DOCK10: variants seen among roughly 807,000 people sequenced by gnomAD.
DOCK10 encodes dedicator of cytokinesis 10, also known as dedicator of cytokinesis protein 10.
In DOCK10, 145 loss-of-function variants were observed where a neutral mutation model predicts 280.1. The ratio of observed to expected loss-of-function variants is 0.52; its 90% confidence interval spans 0.45 to 0.59. The LOEUF (loss-of-function observed/expected upper bound fraction) is 0.59. DOCK10 is among the 20% of genes least tolerant of loss of function. The pLI, the probability that DOCK10 is intolerant of heterozygous loss-of-function variation, is 0.00. For synonymous variants in DOCK10, 915 were observed against 942.2 expected (o/e 0.97, Z 0.53); for missense variants, 2,368 against 2,651.7 (o/e 0.89, Z 2.35).
intron 1 of DOCK10, among the ~76,000 whole-genome samples, chr2:224,981,699 T>C (rs1205669949): frequency 1.3e-5 from 2 of 152,234 alleles, no homozygotes; most frequent in Non-Finnish European, 2.9e-5. Context: ...TAATTCTTTA[T>C]TCTAATATTG....
intron 26 of DOCK10, among the ~76,000 whole-genome samples, chr2:224,831,421 C>T (rs1695222588): frequency 1.3e-5 from 2 of 152,198 alleles, no homozygotes; most frequent in African/African-American, 4.8e-5. Flanking sequence ...GAATGCTGCC[C>T]CAGGGTGTGA....
At chr2:224,821,887 T>C (rs1222561848) in intron 28 of DOCK10, among the ~76,000 whole-genome samples, 1 of 152,064 alleles carries the variant, frequency 6.6e-6, no homozygotes, top group Non-Finnish European at 1.5e-5. Context: ...ATCATTCTTG[T>C]CTCTTTCTGG....
At chr2:224,959,090 C>T (rs1180471072) in intron 1 of DOCK10, among the ~76,000 whole-genome samples, 1 of 152,186 alleles carries the variant, frequency 6.6e-6, no homozygotes, top group Non-Finnish European at 1.5e-5. Flanking sequence ...TTTTCAGGAA[C>T]CAGTTCTGAA....
intron 27 of DOCK10, among the ~76,000 whole-genome samples, chr2:224,830,272 T>A (rs1443495897): frequency 6.6e-6 from 1 of 152,200 alleles, no homozygotes; most frequent in Non-Finnish European, 1.5e-5. Context: ...TATCAGACTT[T>A]CCCATTTCTT....
chr2:224,783,712 C>A lies in DOCK10; in HGVS notation c.5655+3310G>T, dbSNP rs1299194539. Among the ~76,000 whole-genome samples the A allele has an allele frequency of 2.0e-5, 3 of 150,204 alleles. No individual in the cohort carries two copies. The East Asian group carries it at 5.9e-4, about 29-fold the overall frequency. ...TGCAAGGGCTCCCCCCAATACTTCC[C>A]CACTGCCCCCCCTCAGTCTATTTAG... On this transcript the variant is annotated intron_variant, in intron 50 of 55. Coordinates refer to ENST00000258390, the MANE Select transcript of DOCK10 (RefSeq NM_014689.3).
At chr2:225,001,235 C>T (rs1364712770) in intron 1 of DOCK10, among the ~76,000 whole-genome samples, 1 of 150,776 alleles carries the variant, frequency 6.6e-6, no homozygotes, top group Non-Finnish European at 1.5e-5. Context: ...GGTAGGTGCT[C>T]GGGACTTTGG....
Position 224,920,538 on chromosome 2 carries a change from A to C in DOCK10, c.244-3754T>G, listed in dbSNP as rs114050809. On this transcript the variant is annotated intron_variant, in intron 2 of 55. Coordinates refer to ENST00000258390, the MANE Select transcript of DOCK10 (RefSeq NM_014689.3). ...AGCTTTGGGGATTACTGCTGAATTT[A>C]AATGATCTGGGATGCCTTTGTTTCC... Among the ~76,000 whole-genome samples the C allele has an allele frequency of 5.3e-3, 812 of 152,136 alleles. 5 individuals carry two copies. Among genetic ancestry groups the C allele is most frequent in the African/African-American group, 0.018 (760 of 41,520 alleles).
At chr2:224,845,096 A>G in intron 21 of DOCK10, 107 bp downstream of exon 21, 1 of 1,183,494 alleles carries the variant, frequency 8.4e-7, no homozygotes, top group Admixed American at 2.3e-5. Context: ...ATTCATAGCT[A>G]CAAGGGACAT....
intron 39 of DOCK10, 92 bp downstream of exon 39, chr2:224,803,994 AGAAATATGTGTGTGTGTGTGTGTGTG>A (rs1693195964): frequency 3.4e-6 from 2 of 586,232 alleles, no homozygotes; most frequent in Admixed American, 3.6e-5. Flanking sequence ...ATATATAAAT[AGAAATATGTGTGTGTGTGTGTGTGTG>A]TGTGTGTGTG....
rs945316443 is a variant in DOCK10 at position 224,765,268 on chromosome 2, T to A, written c.*453A>T. ...TATTTTAATATAATGGTATCTGAAA[T>A]GTTATTCATATATTTTTAGTACTGT... On this transcript the variant is annotated 3_prime_UTR_variant, in exon 56 of 56. Transcript: ENST00000258390. The A allele has an allele frequency of 2.0e-5, 3 of 153,114 alleles. No homozygotes were observed. The highest frequency in any genetic ancestry group is 7.2e-5 in the African/African-American group (3 of 41,478). 9.5% of individuals were successfully genotyped at this position (153,114 alleles called of 1,614,324 possible).
intron 48 of DOCK10, among the ~76,000 whole-genome samples, chr2:224,788,719 C>A (rs1429065374): frequency 6.6e-6 from 1 of 152,162 alleles, no homozygotes; most frequent in Non-Finnish European, 1.5e-5. Flanking sequence ...TTTACGTCCA[C>A]CTGCATTTGT....
chr2:224,826,052 A>C (rs939503238), intron 27 of DOCK10, among the ~76,000 whole-genome samples: 1 of 152,112 alleles, frequency 6.6e-6, no homozygotes, highest in African/African-American at 2.4e-5. Context: ...GTTCCCAGGA[A>C]ATTGTTTTAG....
intron 25 of DOCK10, among the ~76,000 whole-genome samples, chr2:224,837,147 G>C (rs1695643803): frequency 6.6e-6 from 1 of 152,128 alleles, no homozygotes; most frequent in African/African-American, 2.4e-5. Context: ...AACTATGAAA[G>C]TGCAAACATC....
At chr2:224,843,440 TTGAG>T (rs1696112542) in intron 22 of DOCK10, among the ~76,000 whole-genome samples, 1 of 151,984 alleles carries the variant, frequency 6.6e-6, no homozygotes, top group African/African-American at 2.4e-5. Flanking sequence ...TTGGTGGAGA[TTGAG>T]TGTTTTGTGG....
chr2:224,852,427 C>T lies in DOCK10; in HGVS notation c.2092G>A (p.Val698Met). 6.4e-7 allele frequency: 1 copy of T among 1,566,210 alleles called. No individual in the cohort carries two copies. Among genetic ancestry groups the T allele is most frequent in the Non-Finnish European group, 8.7e-7 (1 of 1,154,280 alleles). The change falls in exon 18 of 56, where the codon GTG becomes ATG. Residue 698 changes from valine (V) to methionine (M), a missense_variant. Around this residue, in one of 2 missense-constraint regions of DOCK10, gnomAD observed 1,209 missense variants for 1,250.9 expected, o/e 0.97. Coordinates refer to ENST00000258390, the MANE Select transcript of DOCK10 (RefSeq NM_014689.3). Reference sequence around the variant, plus strand: ...TCTGAATTTTTGAATTCAATGCACACAGTTATATTCCGTGCCTGAAATTAC... The same window carrying T: ...TCTGAATTTTTGAATTCAATGCACATAGTTATATTCCGTGCCTGAAATTAC... Reference protein sequence around the residue: ...KCFNKARNITVCIEFKNSDEE... With the variant: ...KCFNKARNITMCIEFKNSDEE...
At chr2:224,906,684 T>C (rs1349889699) in intron 3 of DOCK10, among the ~76,000 whole-genome samples, 1 of 152,232 alleles carries the variant, frequency 6.6e-6, no homozygotes, top group Non-Finnish European at 1.5e-5. Context: ...TTTCACCATA[T>C]TAGCCAGGAT....
At chr2:225,038,310 TG>T (rs1690321831) in intron 1 of DOCK10, among the ~76,000 whole-genome samples, 1 of 152,048 alleles carries the variant, frequency 6.6e-6, no homozygotes, top group Admixed American at 6.5e-5. Context: ...TCTCAACTCT[TG>T]AATGCCACCA....
chr2:224,958,412 A>C (rs1277595076), intron 1 of DOCK10, among the ~76,000 whole-genome samples: 1 of 152,214 alleles, frequency 6.6e-6, no homozygotes, highest in African/African-American at 2.4e-5. Flanking sequence ...TCAGAAAGGA[A>C]GGGAGTAGCC....
At chr2:224,767,548 G>GGAGC (rs1690142114) in intron 55 of DOCK10, among the ~76,000 whole-genome samples, 1 of 152,160 alleles carries the variant, frequency 6.6e-6, no homozygotes, top group Non-Finnish European at 1.5e-5. Context: ...TTTTTTTAAA[G>GGAGC]ATTTATAGGA....
Sources: allele counts gnomAD v4.1 joint callset (sites outside exome capture counted in the v4.1 genomes callset), GRCh38; gene constraint gnomAD v4.1.1; regional missense constraint gnomAD v4.1.1; transcripts MANE v1.5; gene names NCBI Gene and HGNC (gene_info 2026-07-23, HGNC 2026-07-21).